The following NALF1 variants were observed in gnomAD, a reference collection of about 807,000 sequenced individuals.
NALF1 encodes the protein family with sequence similarity 155 member A.
Under a neutral mutation model 48.4 loss-of-function variants are expected in NALF1, and 3 were observed. The observed-to-expected ratio is 0.06, with a 90% CI of 0.03 to 0.16. The LOEUF (loss-of-function observed/expected upper bound fraction) is 0.16. Ranked by LOEUF, NALF1 falls within the 10% of genes least tolerant of loss-of-function variation. The probability of loss-of-function intolerance (pLI) is 1.00; values close to 1 mark genes in which losing one functional copy is unlikely to be tolerated. For synonymous variants in NALF1, 262 were observed against 245.7 expected (o/e 1.07, Z -0.62); for missense variants, 526 against 571.5 (o/e 0.92, Z 0.81).
chr13:107,561,590 T>G (rs1171146076), intron 1 of NALF1, among the ~76,000 whole-genome samples: 1 of 152,248 alleles, frequency 6.6e-6, no homozygotes, highest in Admixed American at 6.5e-5. Flanking sequence ...ACTTTGCCCT[T>G]TAACTAATAA....
chr13:107,843,401 A>G (rs908016942), intron 1 of NALF1, among the ~76,000 whole-genome samples: 9 of 152,098 alleles, frequency 5.9e-5, no homozygotes, highest in Non-Finnish European at 1.3e-4. Context: ...AATCATCCAC[A>G]TTCTCTGCTG....
At chr13:107,818,687 A>G (rs1350685502) in intron 1 of NALF1, among the ~76,000 whole-genome samples, 5 of 150,550 alleles carry the variant, frequency 3.3e-5, no homozygotes, top group Non-Finnish European at 5.9e-5. Context: ...CCTGGCTAAC[A>G]CGGTGAAACC....
intron 1 of NALF1, among the ~76,000 whole-genome samples, chr13:107,230,548 G>A (rs1210221125): frequency 1.3e-5 from 2 of 151,780 alleles, no homozygotes; most frequent in Non-Finnish European, 2.9e-5. Context: ...GTAAGAAATA[G>A]AATTATGGGG....
intron 1 of NALF1, among the ~76,000 whole-genome samples, chr13:107,599,256 C>CA (rs1429491243): frequency 2.0e-5 from 3 of 151,500 alleles, no homozygotes; most frequent in East Asian, 3.9e-4. Flanking sequence ...CCGTCTCTAC[C>CA]AAAAAAATAC....
intron 1 of NALF1, among the ~76,000 whole-genome samples, chr13:107,673,948 A>G (rs1881053114): frequency 6.6e-6 from 1 of 152,158 alleles, no homozygotes; most frequent in South Asian, 2.1e-4. Context: ...TTCTCCCCAC[A>G]CCAAGGGCCG....
In NALF1 at chr13:107,531,258, T is replaced by A. The variant is rs554974952; in HGVS notation, c.916-320503A>T. ...ACAGGAGATTTGGGAGGTATTTGGA[T>A]CACGGAGGCAGATCCCTCATGAATA... On this transcript the variant is annotated intron_variant, in intron 1 of 2. Coordinates refer to ENST00000375915, the MANE Select transcript of NALF1 (RefSeq NM_001080396.3). The A allele has an allele frequency of 1.3e-3, 216 of 168,948 alleles. 3 individuals carry two copies. Among genetic ancestry groups the A allele is most frequent in the South Asian group, 4.3e-3 (21 of 4,882 alleles). The allele number at this position is 168,948 out of a possible 1,614,324, so 10.5% of individuals were successfully genotyped here. A position where few individuals can be genotyped will look rare whatever the true frequency, so the allele number is the denominator to read the frequency against.
intron 1 of NALF1, among the ~76,000 whole-genome samples, chr13:107,740,641 T>C (rs1876604501): frequency 6.6e-6 from 1 of 152,200 alleles, no homozygotes; most frequent in African/African-American, 2.4e-5. Context: ...TTTCCATAAA[T>C]CAAATTATTA....
intron 1 of NALF1, among the ~76,000 whole-genome samples, chr13:107,660,482 C>CAA (rs879286159): frequency 0.097 from 8,395 of 86,654 alleles, 468 homozygotes; most frequent in African/African-American, 0.2. Flanking sequence ...CACACACACA[C>CAA]ACAACAAAGA....
intron 1 of NALF1, among the ~76,000 whole-genome samples, chr13:107,237,035 C>T (rs1880364810): frequency 6.6e-6 from 1 of 150,824 alleles, no homozygotes; most frequent in African/African-American, 2.4e-5. Flanking sequence ...ATTTTGGTAT[C>T]CTTGAGGGGT....
At chr13:107,765,902 T>C (rs1174452727) in intron 1 of NALF1, among the ~76,000 whole-genome samples, 2 of 152,200 alleles carry the variant, frequency 1.3e-5, no homozygotes, top group Non-Finnish European at 2.9e-5. Context: ...CTATGACAAA[T>C]CACATCCTTT....
chr13:107,292,992 C>CTTTTTTT (rs55786928), intron 1 of NALF1, among the ~76,000 whole-genome samples: 1 of 110,678 alleles, frequency 9.0e-6, no homozygotes, highest in African/African-American at 3.3e-5. Flanking sequence ...TTTTCTTTTT[C>CTTTTTTT]TTTTTTTTTT....
chr13:107,451,238 A>C (rs546837845), intron 1 of NALF1, among the ~76,000 whole-genome samples: 1 of 152,218 alleles, frequency 6.6e-6, no homozygotes, highest in East Asian at 1.9e-4. Context: ...CCAGATAGAA[A>C]GACCCGCCAG....
chr13:107,445,236 A>G (rs986804210), intron 1 of NALF1, among the ~76,000 whole-genome samples: 1 of 152,196 alleles, frequency 6.6e-6, no homozygotes, highest in Admixed American at 6.5e-5. Context: ...AGCTCTTTAC[A>G]GCCACCCTCT....
chr13:107,687,734 G>A (rs1246190642), intron 1 of NALF1, among the ~76,000 whole-genome samples: 1 of 152,158 alleles, frequency 6.6e-6, no homozygotes, highest in Admixed American at 6.5e-5. Flanking sequence ...GAAATACTCT[G>A]TATAAGTATC....
At chr13:107,397,752 C>T (rs1372686801) in intron 1 of NALF1, among the ~76,000 whole-genome samples, 1 of 151,944 alleles carries the variant, frequency 6.6e-6, no homozygotes, top group East Asian at 1.9e-4. Context: ...GGTACCTAAG[C>T]CCTGGTGCTA....
At chr13:107,803,592 G>T (rs1878686034) in intron 1 of NALF1, among the ~76,000 whole-genome samples, 1 of 152,096 alleles carries the variant, frequency 6.6e-6, no homozygotes, top group Non-Finnish European at 1.5e-5. Flanking sequence ...GTTTTCCAGT[G>T]CAGAGCGATT....
chr13:107,665,393 T>C (rs1393929189), intron 1 of NALF1, among the ~76,000 whole-genome samples: 1 of 152,148 alleles, frequency 6.6e-6, no homozygotes, highest in Non-Finnish European at 1.5e-5. Context: ...TAGTTCTTAC[T>C]CTTAGGCAAT....
chr13:107,539,044 A>C (rs865934911), intron 1 of NALF1, among the ~76,000 whole-genome samples: 1 of 149,916 alleles, frequency 6.7e-6, no homozygotes, highest in Non-Finnish European at 1.5e-5. Flanking sequence ...GTAGGTATAC[A>C]TTAGTAAACA....
chr13:107,652,701 A>G (rs1880477147), intron 1 of NALF1, among the ~76,000 whole-genome samples: 1 of 152,172 alleles, frequency 6.6e-6, no homozygotes, highest in Non-Finnish European at 1.5e-5. Flanking sequence ...CATCTAACTC[A>G]TTAGGCATTG....
Sources: allele counts gnomAD v4.1 joint callset (sites outside exome capture counted in the v4.1 genomes callset), GRCh38; gene constraint gnomAD v4.1.1; transcripts MANE v1.5; gene names NCBI Gene and HGNC (gene_info 2026-07-23, HGNC 2026-07-21).